IL16: variants seen among roughly 807,000 people sequenced by gnomAD.
IL16 encodes the protein pro-interleukin-16.
In IL16, 67 loss-of-function variants were observed where a neutral mutation model predicts 110.1. The ratio of observed to expected loss-of-function variants is 0.61; its 90% CI spans 0.50 to 0.75. The LOEUF (loss-of-function observed/expected upper bound fraction) is 0.75. Among genes scored for constraint, IL16 ranks in the 30% least tolerant of loss-of-function variants. The pLI is 0.00. For missense variants in IL16, 1,545 were observed against 1,655.0 expected (o/e 0.93, Z 1.15); for synonymous variants, 689 against 662.9 (o/e 1.04, Z -0.61).
At chr15:81,195,191 G>A (rs867721606), upstream of IL16, among the ~76,000 whole-genome samples, 8 of 152,174 alleles carry the variant, frequency 5.3e-5, no homozygotes, top group African/African-American at 1.9e-4. Flanking sequence ...GGAGAGGCGG[G>A]AACTGGATTC....
chr15:81,249,474 C>G (rs1758623767), intron 2 of IL16, among the ~76,000 whole-genome samples: 1 of 152,012 alleles, frequency 6.6e-6, no homozygotes, highest in Admixed American at 6.6e-5. Context: ...AGCTGGTATA[C>G]AATTCTATGT....
intron 1 of IL16, among the ~76,000 whole-genome samples, chr15:81,189,146 C>T (rs552966151): frequency 7.3e-5 from 10 of 137,458 alleles, no homozygotes; most frequent in South Asian, 6.9e-4. Flanking sequence ...TTTTTTGAGA[C>T]GGAGTCTCAC....
intron 2 of IL16, among the ~76,000 whole-genome samples, chr15:81,255,639 G>A (rs2142165200): frequency 6.6e-6 from 1 of 152,362 alleles, no homozygotes; most frequent in South Asian, 2.1e-4. Context: ...CTGAAATGTG[G>A]AGAACTGAGG....
At chr15:81,241,454 G>A (rs951883383) in intron 2 of IL16, among the ~76,000 whole-genome samples, 5 of 151,940 alleles carry the variant, frequency 3.3e-5, no homozygotes, top group Non-Finnish European at 7.4e-5. Flanking sequence ...CTTATTTAAT[G>A]TATTTCAGCA....
intron 3 of IL16, among the ~76,000 whole-genome samples, chr15:81,263,002 T>G (rs1898218966): frequency 6.6e-6 from 1 of 152,228 alleles, no homozygotes; most frequent in African/African-American, 2.4e-5. Context: ...TTAGCTCTTT[T>G]TATGCTTTTT....
chr15:81,280,495 A>G (rs948615168), intron 8 of IL16, among the ~76,000 whole-genome samples: 1 of 152,210 alleles, frequency 6.6e-6, no homozygotes, highest in Non-Finnish European at 1.5e-5. Flanking sequence ...GGCGAGTGAC[A>G]CATCAGCTTA....
upstream of IL16, among the ~76,000 whole-genome samples, chr15:81,192,076 T>C (rs895649212): frequency 6.6e-6 from 1 of 152,182 alleles, no homozygotes; most frequent in Non-Finnish European, 1.5e-5. Context: ...TCAGAACCCA[T>C]AGAACTGCAC....
chr15:81,214,422 T>C (rs1383511421), intron 1 of IL16, among the ~76,000 whole-genome samples: 1 of 152,204 alleles, frequency 6.6e-6, no homozygotes, highest in Non-Finnish European at 1.5e-5. Flanking sequence ...TGGAATTTCT[T>C]TGCTTTGAAA....
chr15:81,219,466 T>C (rs571460712), intron 1 of IL16, among the ~76,000 whole-genome samples: 1 of 151,932 alleles, frequency 6.6e-6, no homozygotes, highest in African/African-American at 2.4e-5. Flanking sequence ...TTGGAGGTAA[T>C]ATATACTGAT....
At chr15:81,188,597 G>C (rs1895450928) in intron 1 of IL16, among the ~76,000 whole-genome samples, 1 of 152,166 alleles carries the variant, frequency 6.6e-6, no homozygotes, top group Admixed American at 6.5e-5. Flanking sequence ...TCTTTTCAAT[G>C]CAAACCCCTC....
At chr15:81,258,825 CA>C (rs1459071480) in intron 2 of IL16, among the ~76,000 whole-genome samples, 2 of 152,072 alleles carry the variant, frequency 1.3e-5, no homozygotes, top group African/African-American at 4.8e-5. Context: ...CACACACACA[CA>C]AGGATTATGG....
chr15:81,309,806 G>T lies in IL16; in HGVS notation c.*1008G>T, dbSNP rs17875557. On this transcript the variant is annotated 3_prime_UTR_variant, in exon 19 of 19. Coordinates refer to ENST00000683961, the MANE Select transcript of IL16 (RefSeq NM_172217.5). ...CCAAGCACTGTGCTCAGGGCTAAAC[G>T]GGCATTGCCTTTAGTGATCACAGCA... 1 of 152,168 alleles carries T rather than the reference G, an allele frequency of 6.6e-6. No individual in the cohort carries two copies. Among genetic ancestry groups the T allele is most frequent in the Non-Finnish European group, 1.5e-5 (1 of 68,042 alleles). 9.4% of individuals were successfully genotyped at this position (152,168 alleles called of 1,614,324 possible).
chr15:81,308,584 T>A, intron 18 of IL16, 21 bp from the exon 19 acceptor site: 1 of 1,575,186 alleles, frequency 6.3e-7, no homozygotes, highest in Non-Finnish European at 8.6e-7. Flanking sequence ...GTGGAACCCA[T>A]TACCTTCTCC....
At chr15:81,247,315 ACT>A (rs1385092220) in intron 2 of IL16, among the ~76,000 whole-genome samples, 1 of 151,580 alleles carries the variant, frequency 6.6e-6, no homozygotes, top group Non-Finnish European at 1.5e-5. Flanking sequence ...TCCTGTAAGC[ACT>A]GTTTTATCTT....
intron 1 of IL16, among the ~76,000 whole-genome samples, chr15:81,186,005 G>A (rs1456338656): frequency 6.6e-6 from 1 of 152,210 alleles, no homozygotes; most frequent in Non-Finnish European, 1.5e-5. Context: ...GTTAGCTAAG[G>A]GAATAAGATC....
chr15:81,295,130 T>TA (rs568341871), intron 12 of IL16, among the ~76,000 whole-genome samples: 1 of 152,050 alleles, frequency 6.6e-6, no homozygotes, highest in Non-Finnish European at 1.5e-5. Context: ...AAAACTTGCT[T>TA]AAAAAAACAC....
At chr15:81,190,605 G>C (rs1895483997) in intron 1 of IL16, among the ~76,000 whole-genome samples, 2 of 152,202 alleles carry the variant, frequency 1.3e-5, no homozygotes, top group South Asian at 2.1e-4. Context: ...GCTGGATACT[G>C]TGTGGATGGT....
chr15:81,311,699 GAA>G lies in IL16; in HGVS notation c.*2902_*2903del, dbSNP rs1900862638. 6.6e-6 allele frequency: 1 copy of G among 152,212 alleles called. No individual in the cohort carries two copies. The highest frequency in any genetic ancestry group is 6.5e-5 in the Admixed American group (1 of 15,282). 9.4% of individuals were successfully genotyped at this position (152,212 alleles called of 1,614,324 possible). A position where few individuals can be genotyped will look rare whatever the true frequency, so the allele number is the denominator to read the frequency against. ...TTGGCTGGTGCACCTAGAATTGGCT[GAA>G]CTCATGAGAAGTTGATATAGAACAG... On this transcript the variant is annotated 3_prime_UTR_variant, in exon 19 of 19. Transcript: ENST00000683961.
chr15:81,226,129 C>T (rs1045079010), intron 2 of IL16, among the ~76,000 whole-genome samples: 1 of 152,136 alleles, frequency 6.6e-6, no homozygotes, highest in African/African-American at 2.4e-5. Flanking sequence ...TTATGGCAAG[C>T]AAGGTAAGGG....
Sources: gnomAD v4.1 joint callset for allele counts (sites outside exome capture counted in the v4.1 genomes callset) on GRCh38, gnomAD v4.1.1 for gene constraint, MANE v1.5 for transcripts, NCBI Gene and HGNC (gene_info 2026-07-23, HGNC 2026-07-21) for gene names.